RMST: variants seen among roughly 807,000 people sequenced by gnomAD.
RMST encodes long intergenic non-protein coding RNA 54.
chr12:97,473,977 G>T (rs1188549698), intron 5 of RMST, among the ~76,000 whole-genome samples: 1 of 152,026 alleles, frequency 6.6e-6, no homozygotes, highest in Non-Finnish European at 1.5e-5. Flanking sequence ...GTAGAAAAAA[G>T]AGCCTTGACT....
chr12:97,561,629 C>CTTTTTTTTTTTTTTTTTTT (rs9331504), intron 13 of RMST, among the ~76,000 whole-genome samples: 1 of 56,648 alleles, frequency 1.8e-5, no homozygotes. Context: ...AGTTTGAAGG[C>CTTTTTTTTTTTTTTTTTTT]TTTTTTTTTT....
chr12:97,555,134 C>A (rs111744390), intron 11 of RMST, among the ~76,000 whole-genome samples: 3 of 152,146 alleles, frequency 2.0e-5, no homozygotes, highest in Non-Finnish European at 4.4e-5. Context: ...GCATGTCCCC[C>A]CCAAAAGACC....
chr12:97,518,276 G>A (rs1287797253), intron 10 of RMST, among the ~76,000 whole-genome samples: 1 of 152,108 alleles, frequency 6.6e-6, no homozygotes, highest in Non-Finnish European at 1.5e-5. Flanking sequence ...CTGTTTTTAA[G>A]AGAACTGAAA....
intron 5 of RMST, among the ~76,000 whole-genome samples, chr12:97,468,441 C>A (rs1364763962): frequency 6.6e-6 from 1 of 151,974 alleles, no homozygotes; most frequent in Non-Finnish European, 1.5e-5. Flanking sequence ...TTGTACAAAA[C>A]CTTTTTGCAT....
chr12:97,499,114 T>C (rs1877783865), intron 10 of RMST, among the ~76,000 whole-genome samples: 1 of 152,224 alleles, frequency 6.6e-6, no homozygotes, highest in Non-Finnish European at 1.5e-5. Flanking sequence ...GGAATGTCTG[T>C]CAGCTTTTTC....
intron 5 of RMST, among the ~76,000 whole-genome samples, chr12:97,484,953 C>G (rs560405212): frequency 8.5e-5 from 13 of 152,270 alleles, no homozygotes; most frequent in Middle Eastern, 3.4e-3. Context: ...CAGGGTCAGA[C>G]ACGTAGAAGA....
At chr12:97,545,186 C>T (rs1485166494) in intron 11 of RMST, among the ~76,000 whole-genome samples, 1 of 152,042 alleles carries the variant, frequency 6.6e-6, no homozygotes, top group African/African-American at 2.4e-5. Flanking sequence ...ATGAAGGCAA[C>T]TGGTACTCAA....
chr12:97,537,783 A>G (rs1197477210), intron 11 of RMST, among the ~76,000 whole-genome samples: 2 of 151,510 alleles, frequency 1.3e-5, no homozygotes, highest in African/African-American at 4.8e-5. Flanking sequence ...AGAAATGTCT[A>G]TATTACATAT....
At chr12:97,467,521 A>G (rs1217472559) in intron 5 of RMST, among the ~76,000 whole-genome samples, 5 of 152,022 alleles carry the variant, frequency 3.3e-5, no homozygotes, top group African/African-American at 4.8e-5. Flanking sequence ...TGCTGAATTA[A>G]CACACCATTA....
intron 11 of RMST, among the ~76,000 whole-genome samples, chr12:97,550,324 G>A (rs754110668): frequency 2.0e-5 from 3 of 152,054 alleles, no homozygotes; most frequent in East Asian, 1.9e-4. Context: ...CCTGGGAGGC[G>A]GAGGTTGCGG....
Position 97,556,517 on chromosome 12 carries a change from A to G in RMST, n.1546-4020A>G, listed in dbSNP as rs574398876. ...AATTAAAAAGCTTGTCTTACTTTTT[A>G]TATTTAGAGCATCTCCATGTTGACT... On this transcript the variant is annotated intron_variant and non_coding_transcript_variant, in intron 11 of 13. Coordinates refer to ENST00000640149, the Ensembl canonical transcript of RMST. Among the ~76,000 whole-genome samples, 127 of 152,352 alleles carry G rather than the reference A, an allele frequency of 8.3e-4. 1 individual carries two copies. Among genetic ancestry groups the G allele is most frequent in the Non-Finnish European group, 3.7e-4 (25 of 68,040 alleles).
chr12:97,554,262 C>T (rs1333440971), intron 11 of RMST, among the ~76,000 whole-genome samples: 1 of 152,016 alleles, frequency 6.6e-6, no homozygotes, highest in Non-Finnish European at 1.5e-5. Context: ...CCAATGGTGA[C>T]TATTTCTATT....
intron 5 of RMST, among the ~76,000 whole-genome samples, chr12:97,478,973 G>A (rs144470865): frequency 3.3e-5 from 5 of 152,086 alleles, no homozygotes; most frequent in East Asian, 1.9e-4. Context: ...CCAGTGCTCC[G>A]TGGCTCAAGT....
intron 11 of RMST, among the ~76,000 whole-genome samples, chr12:97,543,155 A>G (rs1482270333): frequency 6.6e-6 from 1 of 152,000 alleles, no homozygotes; most frequent in Non-Finnish European, 1.5e-5. Flanking sequence ...ATGTGCTCAT[A>G]TGCTGGATTA....
chr12:97,495,177 G>GGGGA (rs1555230752), intron 9 of RMST, among the ~76,000 whole-genome samples: 1 of 18,044 alleles, frequency 5.5e-5, no homozygotes, highest in Non-Finnish European at 1.6e-4. Context: ...TTATTCTTAT[G>GGGGA]GGGGGGGAGC....
At chr12:97,481,938 G>T (rs1038275286) in intron 5 of RMST, among the ~76,000 whole-genome samples, 1 of 152,184 alleles carries the variant, frequency 6.6e-6, no homozygotes, top group Non-Finnish European at 1.5e-5. Context: ...ACACGAGCAT[G>T]AATGTAGTGG....
At chr12:97,471,478 T>A (rs1873904502) in intron 5 of RMST, among the ~76,000 whole-genome samples, 1 of 152,126 alleles carries the variant, frequency 6.6e-6, no homozygotes, top group African/African-American at 2.4e-5. Flanking sequence ...ACAAGAGATA[T>A]TTCCACAGTC....
intron 10 of RMST, among the ~76,000 whole-genome samples, chr12:97,513,656 G>A (rs1208688336): frequency 6.6e-6 from 1 of 152,164 alleles, no homozygotes; most frequent in African/African-American, 2.4e-5. Flanking sequence ...TCCAACTACA[G>A]TAAATTAGAA....
intron 10 of RMST, among the ~76,000 whole-genome samples, chr12:97,526,532 C>G (rs1192719715): frequency 6.6e-6 from 1 of 152,108 alleles, no homozygotes; most frequent in Non-Finnish European, 1.5e-5. Context: ...ATGTCCAGGT[C>G]TTCACATTCA....
Sources: allele counts gnomAD v4.1 joint callset (sites outside exome capture counted in the v4.1 genomes callset), GRCh38; gene constraint gnomAD v4.1.1; transcripts MANE v1.5; gene names NCBI Gene and HGNC (gene_info 2026-07-23, HGNC 2026-07-21).